The following PRKCA variants were observed in gnomAD, a reference collection of about 807,000 sequenced individuals.
The protein encoded by PRKCA is protein kinase C alpha, also known as protein kinase C alpha type.
Under a neutral mutation model 87.0 loss-of-function variants are expected in PRKCA, and 27 were observed. That is an observed-to-expected ratio of 0.31 (90% CI 0.23 to 0.43). The LOEUF (loss-of-function observed/expected upper bound fraction) is 0.43. Ranked by LOEUF, PRKCA falls within the 20% of genes least tolerant of loss-of-function variation. PRKCA has a pLI of 1.00. For missense variants in PRKCA, 518 were observed against 852.3 expected, an observed-to-expected ratio of 0.61 and a Z score of 4.88; for synonymous variants, 329 against 311.1, an observed-to-expected ratio of 1.06 and a Z score of -0.61.
intron 2 of PRKCA, among the ~76,000 whole-genome samples, chr17:66,435,875 C>G (rs148767404): frequency 1.3e-5 from 2 of 152,008 alleles, no homozygotes; most frequent in Admixed American, 1.3e-4. Context: ...AAGGAGATTG[C>G]GTGTTTGACA....
intron 2 of PRKCA, among the ~76,000 whole-genome samples, chr17:66,372,625 C>T (rs1194868285): frequency 6.6e-6 from 1 of 152,168 alleles, no homozygotes; most frequent in East Asian, 1.9e-4. Flanking sequence ...TCCCACATAA[C>T]TATGTAAGTA....
At chr17:66,383,053 A>G (rs958461939) in intron 2 of PRKCA, among the ~76,000 whole-genome samples, 5 of 152,216 alleles carry the variant, frequency 3.3e-5, no homozygotes, top group African/African-American at 9.7e-5. Context: ...TGAGCATTAT[A>G]TCCTAACAGA....
intron 2 of PRKCA, among the ~76,000 whole-genome samples, chr17:66,472,906 C>T (rs920104310): frequency 6.6e-6 from 1 of 152,178 alleles, no homozygotes; most frequent in African/African-American, 2.4e-5. Context: ...GTGAATGAGG[C>T]AGCCTTTGTT....
rs1568020889 is a variant in PRKCA at position 66,765,424 on chromosome 17, A to ATCTATATATCTATATATCTATATC, written c.1525-8562_1525-8561insCTATATATCTATATATCTATATCT. On this transcript the variant is annotated intron_variant, in intron 13 of 16. Coordinates refer to ENST00000413366, the MANE Select transcript of PRKCA (RefSeq NM_002737.3). ...CGACAGAGCAAGACTTTGTCTATAT[A>ATCTATATATCTATATATCTATATC]TATATATATATATATATATATATAT... Among the ~76,000 whole-genome samples the ATCTATATATCTATATATCTATATC allele has an allele frequency of 1.4e-3, 172 of 122,660 alleles. 2 individuals are homozygous for ATCTATATATCTATATATCTATATC. Among genetic ancestry groups the ATCTATATATCTATATATCTATATC allele is most frequent in the Admixed American group, 3.3e-3 (41 of 12,394 alleles). The allele number at this position is 122,660 out of a possible 152,430, so 80.5% of individuals were successfully genotyped here. A position where few individuals can be genotyped will look rare whatever the true frequency, so the allele number is the denominator to read the frequency against.
chr17:66,541,535 A>G (rs1413261145), intron 3 of PRKCA, among the ~76,000 whole-genome samples: 3 of 151,758 alleles, frequency 2.0e-5, no homozygotes, highest in African/African-American at 7.2e-5. Flanking sequence ...ATAGAGGCTC[A>G]TCCAGAGGCA....
intron 2 of PRKCA, among the ~76,000 whole-genome samples, chr17:66,413,502 G>C (rs2143754434): frequency 6.6e-6 from 1 of 152,298 alleles, no homozygotes; most frequent in South Asian, 2.1e-4. Flanking sequence ...GGGTGGGGTT[G>C]AGAGTTTCAG....
At chr17:66,714,041 TC>T (rs1353027817) in intron 8 of PRKCA, among the ~76,000 whole-genome samples, 3 of 152,158 alleles carry the variant, frequency 2.0e-5, no homozygotes, top group Non-Finnish European at 2.9e-5. Context: ...TAATTTAGAC[TC>T]CCTGGCTCTC....
chr17:66,566,480 GTTTTTTT>G (rs56912157), intron 3 of PRKCA, among the ~76,000 whole-genome samples: 13 of 97,034 alleles, frequency 1.3e-4, no homozygotes, highest in Middle Eastern at 6.0e-3. Flanking sequence ...TTGTTTTTTG[GTTTTTTT>G]TTTTTTTTTT....
At chr17:66,721,709 C>A (rs552193007) in intron 8 of PRKCA, among the ~76,000 whole-genome samples, 2 of 152,144 alleles carry the variant, frequency 1.3e-5, no homozygotes, top group African/African-American at 4.8e-5. Context: ...TCGCTTTCCT[C>A]GCCATCTTGA....
chr17:66,801,946 C>T (rs1027373085), intron 16 of PRKCA, among the ~76,000 whole-genome samples: 7 of 152,178 alleles, frequency 4.6e-5, no homozygotes, highest in African/African-American at 1.2e-4. Flanking sequence ...AGAGGCTGGA[C>T]GCGGTGGCTC....
intron 3 of PRKCA, among the ~76,000 whole-genome samples, chr17:66,531,894 T>C (rs1967555208): frequency 1.3e-5 from 2 of 152,174 alleles, no homozygotes; most frequent in Non-Finnish European, 2.9e-5. Flanking sequence ...GACCTCATAG[T>C]CTGGAGCCCA....
chr17:66,572,057 T>C (rs7225006), intron 3 of PRKCA, among the ~76,000 whole-genome samples: 1,800 of 152,336 alleles, frequency 0.012, 36 homozygotes, highest in African/African-American at 0.041. Flanking sequence ...GAGACTGTGG[T>C]GTCTGTGATG....
At chr17:66,399,750 C>T (rs1202404009) in intron 2 of PRKCA, among the ~76,000 whole-genome samples, 3 of 152,174 alleles carry the variant, frequency 2.0e-5, no homozygotes, top group Non-Finnish European at 4.4e-5. Context: ...GCGTACTATC[C>T]TCCAGGCTCA....
chr17:66,708,070 G>C (rs1172341663), intron 8 of PRKCA, among the ~76,000 whole-genome samples: 3 of 152,194 alleles, frequency 2.0e-5, no homozygotes, highest in East Asian at 3.9e-4. Flanking sequence ...TTTGTTTTCA[G>C]GGATGAGGCC....
At chr17:66,781,998 C>T (rs1373084240) in intron 14 of PRKCA, among the ~76,000 whole-genome samples, 1 of 151,724 alleles carries the variant, frequency 6.6e-6, no homozygotes, top group Non-Finnish European at 1.5e-5. Context: ...ACCGCAACCT[C>T]TGCCTCCCGG....
At chr17:66,423,848 T>C (rs1912631560) in intron 2 of PRKCA, among the ~76,000 whole-genome samples, 1 of 152,162 alleles carries the variant, frequency 6.6e-6, no homozygotes, top group Non-Finnish European at 1.5e-5. Flanking sequence ...GTGCCGGTGA[T>C]GTCAGTTTGG....
Position 66,368,338 on chromosome 17 carries a change from ATGTGTGTG to A in PRKCA, c.205+62225_205+62232del, listed in dbSNP as rs10580380. Among the ~76,000 whole-genome samples the A allele has an allele frequency of 3.1e-3, 331 of 106,890 alleles. 4 individuals are homozygous for A. The highest frequency in any genetic ancestry group is 0.011 in the African/African-American group (302 of 27,456). 70.1% of individuals were successfully genotyped at this position (106,890 alleles called of 152,430 possible). A position where few individuals can be genotyped will look rare whatever the true frequency, so the allele number is the denominator to read the frequency against. On this transcript the variant is annotated intron_variant, in intron 2 of 16. Coordinates refer to ENST00000413366, the MANE Select transcript of PRKCA (RefSeq NM_002737.3). ...TGTTTATCTATATGTGTGTGTATAT[ATGTGTGTG>A]TGTGTGTGTGTGTATATGTATATAT...
At chr17:66,708,262 C>T (rs560792976) in intron 8 of PRKCA, among the ~76,000 whole-genome samples, 1 of 152,302 alleles carries the variant, frequency 6.6e-6, no homozygotes. Context: ...GTGCAGCTTC[C>T]TGCCATTTGC....
intron 2 of PRKCA, among the ~76,000 whole-genome samples, chr17:66,491,142 A>G (rs903246832): frequency 3.3e-5 from 5 of 152,182 alleles, no homozygotes; most frequent in African/African-American, 1.2e-4. Context: ...GTGCATTTCC[A>G]GTGTCGTCCG....
Sources: gnomAD v4.1 joint callset for allele counts (sites outside exome capture counted in the v4.1 genomes callset) on GRCh38, gnomAD v4.1.1 for gene constraint, MANE v1.5 for transcripts, NCBI Gene and HGNC (gene_info 2026-07-23, HGNC 2026-07-21) for gene names.